TFG: variants seen among roughly 807,000 people sequenced by gnomAD.
TFG encodes trafficking from ER to golgi regulator, also known as protein TFG.
TFG carries 22 observed loss-of-function variants against 51.4 expected under a neutral mutation model. The ratio of observed to expected loss-of-function variants is 0.43; its 90% CI spans 0.31 to 0.61. TFG has a LOEUF of 0.61. TFG is among the 20% of genes least tolerant of loss of function. TFG has a pLI of 0.12. For missense variants in TFG, 419 were observed against 487.7 expected (o/e 0.86, Z 1.33); for synonymous variants, 187 against 165.6 (o/e 1.13, Z -0.99).
intron 2 of TFG, among the ~76,000 whole-genome samples, chr3:100,715,738 T>C (rs2095043970): frequency 6.6e-6 from 1 of 152,134 alleles, no homozygotes; most frequent in Admixed American, 6.5e-5. Context: ...TTTTTTTTTT[T>C]TTGAGACAGG....
At chr3:100,747,280 C>G (rs939825683) in intron 7 of TFG, 5 of 152,300 alleles carry the variant, frequency 3.3e-5, no homozygotes, top group Non-Finnish European at 7.4e-5. Context: ...AGGTTTCTTT[C>G]ATGAGTAAAT....
chr3:100,740,507 A>G lies in TFG; in HGVS notation c.721+3791A>G, dbSNP rs532477859. On this transcript the variant is annotated intron_variant, in intron 6 of 7. Transcript: ENST00000240851. The stretch of plus-strand genomic sequence containing the variant: ...CAGAAATGTCACTGTCATTTCTGCA[A>G]TATTTTCTTGGTATACAGGTCAGCC... Among the ~76,000 whole-genome samples, 21 of 152,296 alleles carry G rather than the reference A, an allele frequency of 1.4e-4. No homozygotes were observed. In the East Asian group the frequency reaches 3.5e-3, roughly 25 times the overall value.
intron 2 of TFG, among the ~76,000 whole-genome samples, chr3:100,719,306 T>C (rs1339503685): frequency 6.6e-6 from 1 of 152,220 alleles, no homozygotes; most frequent in Non-Finnish European, 1.5e-5. Flanking sequence ...TGTTCTTGCT[T>C]TCTTTAGAGA....
At chr3:100,721,123 TGAATGTAAAATACTTAAC>T in intron 3 of TFG, among the ~76,000 whole-genome samples, 1 of 152,334 alleles carries the variant, frequency 6.6e-6, no homozygotes, top group Admixed American at 6.5e-5. Context: ...TTTACAGTAT[TGAATGTAAAATACTTAAC>T]TATTGACTAG....
intron 3 of TFG, among the ~76,000 whole-genome samples, chr3:100,722,708 A>G (rs995979556): frequency 6.6e-6 from 1 of 152,234 alleles, no homozygotes; most frequent in Non-Finnish European, 1.5e-5. Context: ...AGAGGCTAAA[A>G]GACAGTATTA....
chr3:100,735,991 G>A, intron 5 of TFG, among the ~76,000 whole-genome samples: 1 of 151,910 alleles, frequency 6.6e-6, no homozygotes, highest in Non-Finnish European at 1.5e-5. Flanking sequence ...CTAGAAGTGT[G>A]GAATTATAAT....
chr3:100,728,988 C>T, intron 4 of TFG, 130 bp downstream of exon 4: 1 of 763,446 alleles, frequency 1.3e-6, no homozygotes, highest in Non-Finnish European at 2.0e-6. Flanking sequence ...TGCCTCTCTA[C>T]TAGTATTTAT....
intron 3 of TFG, among the ~76,000 whole-genome samples, chr3:100,727,780 T>G (rs1298630243): frequency 6.6e-6 from 1 of 152,214 alleles, no homozygotes; most frequent in Non-Finnish European, 1.5e-5. Flanking sequence ...AAGTAACTGC[T>G]TTGAAGGACA....
At chr3:100,745,755 C>T (rs2095133110) in intron 7 of TFG, among the ~76,000 whole-genome samples, 1 of 152,162 alleles carries the variant, frequency 6.6e-6, no homozygotes. Flanking sequence ...GAGCAGGAGT[C>T]AGTAAAGTAT....
intron 1 of TFG, among the ~76,000 whole-genome samples, chr3:100,712,794 G>A (rs1049928963): frequency 7.2e-5 from 11 of 152,160 alleles, no homozygotes; most frequent in Non-Finnish European, 8.8e-5. Flanking sequence ...TAATGCCAGG[G>A]GAGCCATTTT....
At chr3:100,709,846 T>TGGAGGGAGGAGGGGGGG (rs2095024489) in intron 1 of TFG, 125 bp downstream of exon 1, 1 of 119,754 alleles carries the variant, frequency 8.4e-6, no homozygotes, top group African/African-American at 3.3e-5. Context: ...GGGAAGGGGC[T>TGGAGGGAGGAGGGGGGG]GGAGGGAGGA....
At position 100,744,909 on chromosome 3, in the gene TFG, A is replaced by G. The variant is rs749758617; in HGVS notation, c.798A>G (p.Gln266=). Residue 266 remains glutamine, a synonymous_variant, in exon 7 of 8, where the codon CAA becomes CAG. Transcript: ENST00000240851. ...CGCAGGCTCCACCTCAGCAGCCTCA[A>G]CAGTATGGTATTCAGTATTCAGGTG... The part of the protein sequence containing the change: ...QQPQAPPQQP[Q]QYGIQYSASY... The G allele has an allele frequency of 2.5e-6, 4 of 1,613,308 alleles. No individual in the cohort carries two copies. The highest frequency in any genetic ancestry group is 1.7e-5 in the Admixed American group (1 of 59,992).
intron 1 of TFG, 193 bp downstream of exon 1, chr3:100,709,914 G>C (rs1269155578): frequency 8.1e-6 from 1 of 123,218 alleles, no homozygotes; most frequent in Non-Finnish European, 1.7e-5. Flanking sequence ...GAGGGCGGGC[G>C]GGGCCTTGCA....
At chr3:100,741,732 C>T (rs1490972066) in intron 6 of TFG, among the ~76,000 whole-genome samples, 1 of 152,102 alleles carries the variant, frequency 6.6e-6, no homozygotes, top group Non-Finnish European at 1.5e-5. Flanking sequence ...TGGTAAGTGC[C>T]CTAGGCAGGC....
At chr3:100,737,094 T>A (rs910446554) in intron 6 of TFG, among the ~76,000 whole-genome samples, 1 of 152,172 alleles carries the variant, frequency 6.6e-6, no homozygotes, top group African/African-American at 2.4e-5. Context: ...TTTTCTAATT[T>A]AAAAAAGATT....
At chr3:100,737,671 A>G (rs1307458123) in intron 6 of TFG, among the ~76,000 whole-genome samples, 5 of 152,204 alleles carry the variant, frequency 3.3e-5, no homozygotes, top group African/African-American at 9.6e-5. Context: ...AAGGTTATCA[A>G]TTACATTAAA....
At chr3:100,735,706 A>G (rs1364035952) in intron 5 of TFG, among the ~76,000 whole-genome samples, 1 of 152,222 alleles carries the variant, frequency 6.6e-6, no homozygotes, top group Non-Finnish European at 1.5e-5. Context: ...TTTGACTGTC[A>G]CAGCATTGGA....
At position 100,713,665 on chromosome 3, in the gene TFG, T is replaced by C. The variant is rs373703935; in HGVS notation, c.-21T>C. 2.6e-6 allele frequency: 4 copies of C among 1,555,152 alleles called. No homozygotes were observed. Among genetic ancestry groups the C allele is most frequent in the Non-Finnish European group, 3.5e-6 (4 of 1,144,818 alleles). ...CAGTCTTTCTCTAGAGTTGTATATA[T>C]AGAACATCCTGGAGTCCACCATGAA... is the stretch of plus-strand genomic sequence containing the variant. On this transcript the variant is annotated 5_prime_UTR_variant, in exon 2 of 8. Transcript: ENST00000240851.
chr3:100,740,989 T>C (rs1026182434), intron 6 of TFG, among the ~76,000 whole-genome samples: 1 of 152,164 alleles, frequency 6.6e-6, no homozygotes, highest in African/African-American at 2.4e-5. Flanking sequence ...GCACAAGGCA[T>C]TACTTACGTG....
Sources: allele counts gnomAD v4.1 joint callset (sites outside exome capture counted in the v4.1 genomes callset), GRCh38; gene constraint gnomAD v4.1.1; transcripts MANE v1.5; gene names NCBI Gene and HGNC (gene_info 2026-07-23, HGNC 2026-07-21).